The following PLEKHM3 variants were observed in gnomAD, a reference collection of about 807,000 sequenced individuals.
PLEKHM3 encodes the protein pleckstrin homology domain-containing family M member 3.
A neutral mutation model predicts 81.8 loss-of-function variants in PLEKHM3; 45 were observed. That is an observed-to-expected ratio of 0.55 (90% CI 0.43 to 0.71). The LOEUF (loss-of-function observed/expected upper bound fraction) is 0.71. Ranked by LOEUF, PLEKHM3 falls within the 30% of genes least tolerant of loss-of-function variation. PLEKHM3 has a pLI of 0.00. For missense variants in PLEKHM3, 788 were observed against 924.3 expected, an observed-to-expected ratio of 0.85 and a Z score of 1.91; for synonymous variants, 352 against 356.4, an observed-to-expected ratio of 0.99 and a Z score of 0.14.
intron 4 of PLEKHM3, among the ~76,000 whole-genome samples, chr2:207,943,673 C>G (rs1209072852): frequency 6.6e-6 from 1 of 151,756 alleles, no homozygotes; most frequent in Admixed American, 6.6e-5. Flanking sequence ...TCGAGACCAT[C>G]CCGGCTAGAA....
In PLEKHM3 at chr2:207,918,528, CAAACAAACAAACAAA is replaced by C. The variant is rs556026455; in HGVS notation, c.1887-9966_1887-9952del. On this transcript the variant is annotated intron_variant, in intron 5 of 7. Coordinates refer to ENST00000427836, the MANE Select transcript of PLEKHM3 (RefSeq NM_001080475.3). ...CAAAGCAAGACTCTGTCTCAACAAACAAACAAACAAACAAAAAACAAACAAACAAACAAACAAACA... is the reference window on the plus strand; with the variant it reads ...CAAAGCAAGACTCTGTCTCAACAAACAAACAAACAAACAAACAAACAAACA... Among the ~76,000 whole-genome samples, 50 of 146,432 alleles carry C rather than the reference CAAACAAACAAACAAA, an allele frequency of 3.4e-4. No individual in the cohort carries two copies. The South Asian group carries it at 5.8e-3, about 17-fold the overall frequency.
At chr2:207,880,783 A>C (rs1414371577) in intron 6 of PLEKHM3, among the ~76,000 whole-genome samples, 1 of 139,016 alleles carries the variant, frequency 7.2e-6, no homozygotes, top group African/African-American at 2.6e-5. Context: ...AAAAAAAAAA[A>C]AAAAACCAAA....
rs367614148 is a variant in PLEKHM3, at chr2:207,835,632, T to C, written c.2109-7136A>G. ...GGACTGCATGAGATGAACCTTAAGATGTAAAGCATTACTTTTTATTTCATT... is the reference window on the plus strand; with the variant it reads ...GGACTGCATGAGATGAACCTTAAGACGTAAAGCATTACTTTTTATTTCATT... On this transcript the variant is annotated intron_variant, in intron 7 of 7. Transcript: ENST00000427836. Among the ~76,000 whole-genome samples, 15 of 152,206 alleles carry C rather than the reference T, an allele frequency of 9.9e-5. No homozygotes were observed. In the East Asian group the frequency reaches 1.2e-3, roughly 12 times the overall value.
chr2:207,964,363 T>C (rs1690842780), intron 3 of PLEKHM3, among the ~76,000 whole-genome samples: 1 of 152,166 alleles, frequency 6.6e-6, no homozygotes, highest in Non-Finnish European at 1.5e-5. Flanking sequence ...CAAATCATAC[T>C]CATGATTCTA....
chr2:208,002,908 GA>G lies in PLEKHM3; in HGVS notation c.-318-952del, dbSNP rs78655253. On this transcript the variant is annotated intron_variant, in intron 1 of 7. Transcript: ENST00000427836. ...AACTGTCACATATACCTTTTACCAGGAAAAAAAAAAAAACAAATAAAACAAC... is the reference window on the plus strand; with the variant it reads ...AACTGTCACATATACCTTTTACCAGGAAAAAAAAAAAACAAATAAAACAAC... Among the ~76,000 whole-genome samples the G allele has an allele frequency of 1.2e-3, 165 of 135,934 alleles. 1 individual carries two copies. Among genetic ancestry groups the G allele is most frequent in the Admixed American group, 4.9e-3 (66 of 13,588 alleles). The allele number at this position is 135,934 out of a possible 152,430, so 89.2% of individuals were successfully genotyped here.
chr2:207,858,511 G>A (rs1209398461), intron 7 of PLEKHM3, among the ~76,000 whole-genome samples: 2 of 141,914 alleles, frequency 1.4e-5, no homozygotes, highest in African/African-American at 5.3e-5. Flanking sequence ...AGACAGTTTT[G>A]CTGTTGCCCA....
Position 207,930,965 on chromosome 2 carries a change from A to C in PLEKHM3, c.1847T>G (p.Phe616Cys). The change falls in exon 5 of 8, where the codon TTC becomes TGC. Residue 616 changes from phenylalanine (F) to cysteine (C), a missense_variant. Physicochemically the swap from Phe to Cys is radical, Grantham distance 205. Coordinates refer to ENST00000427836, the MANE Select transcript of PLEKHM3 (RefSeq NM_001080475.3). The part of the protein sequence containing the change: ...QRLKSLRAYL[F>C]SCRAAVAEDL... ...CTCTGCCACCGCTGCCCGGCAGCTGAACAAATAGGCTCGGAGCGACTTCAG... is the reference window on the plus strand; with the variant it reads ...CTCTGCCACCGCTGCCCGGCAGCTGCACAAATAGGCTCGGAGCGACTTCAG... The C allele has an allele frequency of 6.2e-7, 1 of 1,613,566 alleles. No individual in the cohort carries two copies. Among genetic ancestry groups the C allele is most frequent in the Non-Finnish European group, 8.5e-7 (1 of 1,179,528 alleles).
intron 6 of PLEKHM3, among the ~76,000 whole-genome samples, chr2:207,863,234 C>T (rs1326077582): frequency 6.6e-6 from 1 of 152,216 alleles, no homozygotes; most frequent in Admixed American, 6.5e-5. Flanking sequence ...GGAAAATGAA[C>T]CTCTAGTTAA....
rs74326861 is a variant in PLEKHM3, at chr2:207,828,157, C to T, written c.*162G>A. 2,212 of 510,178 alleles carry T rather than the reference C, an allele frequency of 4.3e-3. 27 individuals carry two copies. Among genetic ancestry groups the T allele is most frequent in the African/African-American group, 0.033 (1,701 of 51,130 alleles). 31.6% of individuals were successfully genotyped at this position (510,178 alleles called of 1,614,324 possible). ...ATGTACACAGAGCATACGTACAGGA[C>T]GTATAGGTATTTGCGTATATATAAA... is the stretch of plus-strand genomic sequence containing the variant. On this transcript the variant is annotated 3_prime_UTR_variant, in exon 8 of 8. Coordinates refer to ENST00000427836, the MANE Select transcript of PLEKHM3 (RefSeq NM_001080475.3).
At chr2:207,834,007 G>A (rs983993454) in intron 7 of PLEKHM3, among the ~76,000 whole-genome samples, 2 of 152,006 alleles carry the variant, frequency 1.3e-5, no homozygotes, top group African/African-American at 2.4e-5. Flanking sequence ...GGCAAAAATC[G>A]CACTTGCTTT....
chr2:207,834,145 TGAGAC>T (rs2092304179), intron 7 of PLEKHM3, among the ~76,000 whole-genome samples: 1 of 151,370 alleles, frequency 6.6e-6, no homozygotes, highest in African/African-American at 2.4e-5. Flanking sequence ...TTTTTTTTTT[TGAGAC>T]AGAGTTTTTG....
chr2:207,909,949 C>T (rs1688758471), intron 5 of PLEKHM3, among the ~76,000 whole-genome samples: 1 of 152,176 alleles, frequency 6.6e-6, no homozygotes, highest in African/African-American at 2.4e-5. Context: ...TATTAGACTA[C>T]TGAAAATGGA....
At chr2:207,992,055 C>T (rs1206566347) in intron 2 of PLEKHM3, among the ~76,000 whole-genome samples, 1 of 152,164 alleles carries the variant, frequency 6.6e-6, no homozygotes, top group East Asian at 1.9e-4. Flanking sequence ...AATGACTTGG[C>T]CAAGGTTATA....
chr2:207,915,571 A>G (rs373386065), intron 5 of PLEKHM3, among the ~76,000 whole-genome samples: 5 of 152,310 alleles, frequency 3.3e-5, no homozygotes, highest in East Asian at 1.9e-4. Flanking sequence ...GAGATGCACA[A>G]CCGGCATTTA....
At chr2:207,973,622 C>T (rs2106023396) in intron 3 of PLEKHM3, among the ~76,000 whole-genome samples, 1 of 152,170 alleles carries the variant, frequency 6.6e-6, no homozygotes, top group African/African-American at 2.4e-5. Context: ...GCCTGTAATC[C>T]CAGCTACTCA....
In PLEKHM3 at chr2:207,918,671, A is replaced by G. The variant is rs1226191358; in HGVS notation, c.1887-10094T>C. ...GGTGGCTTTCTTATTTTTGTTTTCTATGATGAACAGTATTCTTTTGTAATA... is the reference window on the plus strand; with the variant it reads ...GGTGGCTTTCTTATTTTTGTTTTCTGTGATGAACAGTATTCTTTTGTAATA... On this transcript the variant is annotated intron_variant, in intron 5 of 7. Coordinates refer to ENST00000427836, the MANE Select transcript of PLEKHM3 (RefSeq NM_001080475.3). 6.6e-5 allele frequency among the ~76,000 whole-genome samples: 10 copies of G among 152,220 alleles called. No individual in the cohort carries two copies. The East Asian group carries it at 1.9e-3, about 29-fold the overall frequency.
In PLEKHM3 at chr2:207,828,272, T is replaced by C; in HGVS notation, c.*47A>G. ...GCTAGTTAGGAGGCCGCTCTGGGGC[T>C]GATGGATTGTTGATTGGTGAATCCC... On this transcript the variant is annotated 3_prime_UTR_variant, in exon 8 of 8. Transcript: ENST00000427836. The C allele has an allele frequency of 6.3e-7, 1 of 1,578,244 alleles. No individual in the cohort carries two copies. Among genetic ancestry groups the C allele is most frequent in the Non-Finnish European group, 8.6e-7 (1 of 1,160,600 alleles).
intron 6 of PLEKHM3, among the ~76,000 whole-genome samples, chr2:207,896,311 C>A (rs1426547948): frequency 6.6e-6 from 1 of 152,144 alleles, no homozygotes; most frequent in African/African-American, 2.4e-5. Context: ...AGTTGCAAGG[C>A]CATAGCCAGA....
chr2:207,968,850 G>A (rs1238950319), intron 3 of PLEKHM3, among the ~76,000 whole-genome samples: 1 of 152,102 alleles, frequency 6.6e-6, no homozygotes, highest in Admixed American at 6.5e-5. Context: ...TACAACATAA[G>A]AAGGCAACAA....
Sources: gnomAD v4.1 joint callset for allele counts (sites outside exome capture counted in the v4.1 genomes callset) on GRCh38, gnomAD v4.1.1 for gene constraint, MANE v1.5 for transcripts, NCBI Gene and HGNC (gene_info 2026-07-23, HGNC 2026-07-21) for gene names.